Variants in ADGRB3 observed in about 807,000 individuals in gnomAD.
ADGRB3 encodes the protein brain-specific angiogenesis inhibitor 3.
ADGRB3 carries 37 observed loss-of-function variants against 193.4 expected under a neutral mutation model. That is an observed-to-expected ratio of 0.19 (90% CI 0.15 to 0.25). ADGRB3 has a LOEUF of 0.25. Ranked by LOEUF, ADGRB3 falls within the 10% of genes least tolerant of loss-of-function variation. The pLI is 1.00. For missense variants in ADGRB3, 1,637 were observed against 1,852.9 expected (o/e 0.88, Z 2.14); for synonymous variants, 690 against 644.2 (o/e 1.07, Z -1.08).
At chr6:69,166,336 T>C (rs1470055157) in intron 17 of ADGRB3, among the ~76,000 whole-genome samples, 2 of 152,190 alleles carry the variant, frequency 1.3e-5, no homozygotes, top group East Asian at 1.9e-4. Flanking sequence ...TTTAGAAGGA[T>C]CCCCACATGA....
At chr6:68,683,861 C>T (rs1229528438) in intron 3 of ADGRB3, among the ~76,000 whole-genome samples, 1 of 152,030 alleles carries the variant, frequency 6.6e-6, no homozygotes, top group Non-Finnish European at 1.5e-5. Context: ...CCTGCTTGGA[C>T]CAAGCAGATA....
chr6:68,736,527 A>G (rs1765876420), intron 3 of ADGRB3, among the ~76,000 whole-genome samples: 1 of 152,142 alleles, frequency 6.6e-6, no homozygotes, highest in Non-Finnish European at 1.5e-5. Flanking sequence ...TAAGATTTCA[A>G]TGAGGACTTT....
intron 3 of ADGRB3, among the ~76,000 whole-genome samples, chr6:68,804,688 GCAATTTAAAT>G (rs1767371641): frequency 6.6e-6 from 1 of 151,914 alleles, no homozygotes. Context: ...AATTATTTTT[GCAATTTAAAT>G]GTTGAATTTG....
In ADGRB3 at chr6:69,075,953, T is replaced by G. The variant is rs772478996; in HGVS notation, c.2437-42T>G. The G allele has an allele frequency of 1.3e-5, 19 of 1,453,916 alleles. 1 individual carries two copies. In the South Asian group the frequency reaches 2.0e-4, roughly 15 times the overall value. The allele number at this position is 1,453,916 out of a possible 1,614,324, so 90.1% of individuals were successfully genotyped here. A position where few individuals can be genotyped will look rare whatever the true frequency, so the allele number is the denominator to read the frequency against. On this transcript the variant is annotated intron_variant, in intron 16 of 31. Coordinates refer to ENST00000370598, the MANE Select transcript of ADGRB3 (RefSeq NM_001704.3). The stretch of plus-strand genomic sequence containing the variant: ...CATAATCCCTCAATCTTTTTATATA[T>G]GTACTCAAGATATATGCATTCTTTC...
chr6:69,038,743 A>T (rs1390040984), intron 13 of ADGRB3, among the ~76,000 whole-genome samples: 2 of 152,206 alleles, frequency 1.3e-5, no homozygotes, highest in African/African-American at 4.8e-5. Flanking sequence ...CATTCAATAG[A>T]TAACAAAATA....
chr6:69,389,050 T>C lies in ADGRB3; in HGVS notation c.*159T>C. 3 of 677,810 alleles carry C rather than the reference T, an allele frequency of 4.4e-6. No individual in the cohort carries two copies. The highest frequency in any genetic ancestry group is 7.2e-6 in the Non-Finnish European group (3 of 415,036). The allele number at this position is 677,810 out of a possible 1,614,324, so 42.0% of individuals were successfully genotyped here. On this transcript the variant is annotated 3_prime_UTR_variant, in exon 32 of 32. Coordinates refer to ENST00000370598, the MANE Select transcript of ADGRB3 (RefSeq NM_001704.3). ...TTTTCATATGGTAACTTCTCACTAG[T>C]CAGGCTAGTGGAGAGATGACCAGGT...
chr6:69,102,564 T>C (rs1164072367), intron 17 of ADGRB3, among the ~76,000 whole-genome samples: 1 of 152,208 alleles, frequency 6.6e-6, no homozygotes, highest in African/African-American at 2.4e-5. Flanking sequence ...CCACATTCCC[T>C]GAGCTAACGG....
chr6:68,802,086 G>T (rs1582213564), intron 3 of ADGRB3, among the ~76,000 whole-genome samples: 1 of 150,322 alleles, frequency 6.7e-6, no homozygotes, highest in Non-Finnish European at 1.5e-5. Flanking sequence ...ACACCCAAGG[G>T]CACAGAGCTC....
At chr6:69,230,296 G>C (rs113083461) in intron 17 of ADGRB3, among the ~76,000 whole-genome samples, 54 of 152,010 alleles carry the variant, frequency 3.6e-4, no homozygotes, top group African/African-American at 1.1e-3. Flanking sequence ...CAAACTAGAC[G>C]CCATAATTAA....
At chr6:68,796,262 TCAA>T (rs1391356572) in intron 3 of ADGRB3, among the ~76,000 whole-genome samples, 1 of 152,138 alleles carries the variant, frequency 6.6e-6, no homozygotes, top group Non-Finnish European at 1.5e-5. Flanking sequence ...TACCACTTTA[TCAA>T]CATATTTTTT....
chr6:68,655,330 G>A (rs2127283481), intron 3 of ADGRB3, among the ~76,000 whole-genome samples: 1 of 151,646 alleles, frequency 6.6e-6, no homozygotes, highest in East Asian at 1.9e-4. Context: ...TGTTTTCTGT[G>A]AAGTGGTGAT....
chr6:69,249,280 T>C (rs547542472), intron 20 of ADGRB3, among the ~76,000 whole-genome samples: 1 of 152,302 alleles, frequency 6.6e-6, no homozygotes, highest in East Asian at 1.9e-4. Context: ...CCAGCTGAGT[T>C]TCTTCTTTGG....
chr6:69,059,597 A>G (rs946307766), intron 15 of ADGRB3, among the ~76,000 whole-genome samples: 1 of 152,178 alleles, frequency 6.6e-6, no homozygotes, highest in Non-Finnish European at 1.5e-5. Flanking sequence ...TGGCTGTCAG[A>G]TCTGCTTTTC....
intron 3 of ADGRB3, among the ~76,000 whole-genome samples, chr6:68,915,823 T>A (rs1301462513): frequency 2.0e-5 from 3 of 151,966 alleles, no homozygotes; most frequent in African/African-American, 7.3e-5. Context: ...CGCACAGGTG[T>A]ATGGTGTGAA....
intron 3 of ADGRB3, among the ~76,000 whole-genome samples, chr6:68,896,666 AAG>A (rs1766226941): frequency 6.6e-6 from 1 of 152,156 alleles, no homozygotes. Context: ...GGGGAAAGGA[AAG>A]AATCAATTAG....
chr6:69,263,359 C>T (rs1033855250), intron 20 of ADGRB3, among the ~76,000 whole-genome samples: 1 of 151,874 alleles, frequency 6.6e-6, no homozygotes, highest in African/African-American at 2.4e-5. Context: ...GTTTTTCTTC[C>T]AAAAATCATG....
At chr6:69,219,796 A>C (rs1361867692) in intron 17 of ADGRB3, among the ~76,000 whole-genome samples, 1 of 151,920 alleles carries the variant, frequency 6.6e-6, no homozygotes, top group Non-Finnish European at 1.5e-5. Context: ...TCACCAAGAA[A>C]TCAGTGTCAA....
intron 11 of ADGRB3, among the ~76,000 whole-genome samples, chr6:69,001,117 G>T (rs986971320): frequency 6.6e-6 from 1 of 152,246 alleles, no homozygotes; most frequent in South Asian, 2.1e-4. Context: ...ATGAATTTTC[G>T]AAAGAGGTCT....
At chr6:68,694,135 C>T (rs1160375227) in intron 3 of ADGRB3, among the ~76,000 whole-genome samples, 1 of 151,970 alleles carries the variant, frequency 6.6e-6, no homozygotes, top group African/African-American at 2.4e-5. Flanking sequence ...ACCAGGAACA[C>T]ATGGTGGCAT....
Sources: gnomAD v4.1 joint callset for allele counts (sites outside exome capture counted in the v4.1 genomes callset) on GRCh38, gnomAD v4.1.1 for gene constraint, MANE v1.5 for transcripts, NCBI Gene and HGNC (gene_info 2026-07-23, HGNC 2026-07-21) for gene names.